The following RELN variants were observed in gnomAD, a reference collection of about 807,000 sequenced individuals.
The protein encoded by RELN is reelin.
A neutral mutation model predicts 427.6 loss-of-function variants in RELN; 108 were observed. The observed-to-expected ratio is 0.25, with a 90% CI of 0.22 to 0.30. The LOEUF (loss-of-function observed/expected upper bound fraction) is 0.30, where lower values mean the gene tolerates loss of function less well. RELN is among the 10% of genes least tolerant of loss of function. The probability of loss-of-function intolerance (pLI) is 1.00; values close to 1 mark genes in which losing one functional copy is unlikely to be tolerated. For synonymous variants in RELN, 1,524 were observed against 1,513.4 expected, an observed-to-expected ratio of 1.01 and a Z score of -0.16; for missense variants, 3,715 against 4,302.8, an observed-to-expected ratio of 0.86 and a Z score of 3.82.
intron 4 of RELN, 54 bp from the exon 5 acceptor site, chr7:103,753,268 C>A: frequency 6.3e-7 from 1 of 1,584,444 alleles, no homozygotes; most frequent in Non-Finnish European, 8.7e-7. Context: ...AAAGCAAAAT[C>A]CAGTAATAAA....
In RELN at chr7:103,636,270, C is replaced by T; in HGVS notation, c.2268G>A (p.Gln756=). Residue 756 remains glutamine, a synonymous_variant, in exon 18 of 65, where the codon CAG becomes CAA. Coordinates refer to ENST00000428762, the MANE Select transcript of RELN (RefSeq NM_005045.4). Reference sequence around the variant, plus strand: ...AGCTGTCAAGGAAAGATGTAATTAGCTGACGCCGCCCATCTTTGTTGAAAA... The same window carrying T: ...AGCTGTCAAGGAAAGATGTAATTAGTTGACGCCGCCCATCTTTGTTGAAAA... ...ALVFNKDGRR[Q]LITSFLDSSQ... is the part of the protein sequence containing the mutation. The T allele has an allele frequency of 6.2e-7, 1 of 1,613,874 alleles. No individual in the cohort carries two copies. The highest frequency in any genetic ancestry group is 8.5e-7 in the Non-Finnish European group (1 of 1,179,888).
chr7:103,486,328 C>A lies in RELN; in HGVS notation c.9852G>T (p.Glu3284Asp). ...TTCCTATGACTCCACCTTGAATGGT[C>A]TCCCAGTTTGCCTCGGTGACTCTTG... The part of the protein sequence containing the change: ...ESARVTEANW[E>D]TIQGGVIGSG... Residue 3284 changes from glutamate to aspartate, a missense_variant, in exon 61 of 65, where the codon GAG becomes GAT. Glu to Asp is a conservative substitution (Grantham distance 45). Coordinates refer to ENST00000428762, the MANE Select transcript of RELN (RefSeq NM_005045.4). The A allele has an allele frequency of 6.2e-7, 1 of 1,614,184 alleles. No individual in the cohort carries two copies. Among genetic ancestry groups the A allele is most frequent in the Non-Finnish European group, 8.5e-7 (1 of 1,180,036 alleles).
chr7:103,899,260 A>C (rs758898315), intron 2 of RELN, among the ~76,000 whole-genome samples: 30 of 152,144 alleles, frequency 2.0e-4, no homozygotes, highest in Non-Finnish European at 3.4e-4. Flanking sequence ...AGAATCCCTG[A>C]ATAAACCACA....
Position 103,496,859 on chromosome 7 carries a change from C to T in RELN, c.8951-91G>A, listed in dbSNP as rs988310653. 6.7e-5 allele frequency: 98 copies of T among 1,472,056 alleles called. No individual in the cohort carries two copies. In the South Asian group the frequency reaches 1.0e-3, roughly 16 times the overall value. 91.2% of individuals were successfully genotyped at this position (1,472,056 alleles called of 1,614,324 possible). On this transcript the variant is annotated intron_variant, in intron 55 of 64. Coordinates refer to ENST00000428762, the MANE Select transcript of RELN (RefSeq NM_005045.4). The stretch of plus-strand genomic sequence containing the variant: ...GTATACTTCAGATACTGTGAACTTC[C>T]CAAAGAAATTTTCAGCCAGGAAATG...
chr7:103,767,386 T>C (rs553478727), intron 4 of RELN, among the ~76,000 whole-genome samples: 1 of 152,318 alleles, frequency 6.6e-6, no homozygotes, highest in Non-Finnish European at 1.5e-5. Context: ...GAGCTTTGAA[T>C]TCTAGGCCTG....
At chr7:103,602,014 C>A (rs1303298518) in intron 24 of RELN, among the ~76,000 whole-genome samples, 1 of 152,184 alleles carries the variant, frequency 6.6e-6, no homozygotes, top group Non-Finnish European at 1.5e-5. Flanking sequence ...TGTCTGCCCA[C>A]CCCAGACAGC....
intron 3 of RELN, among the ~76,000 whole-genome samples, chr7:103,822,029 A>G (rs1421740865): frequency 1.3e-5 from 2 of 152,114 alleles, no homozygotes; most frequent in Non-Finnish European, 2.9e-5. Context: ...TAGAGATGGA[A>G]ATAATAATTT....
Position 103,515,268 on chromosome 7 carries a change from A to G in RELN, c.8036T>C (p.Val2679Ala), listed in dbSNP as rs371701444. Residue 2679 changes from valine to alanine, a missense_variant, in exon 50 of 65, where the codon GTA becomes GCA. Val to Ala is a moderately conservative substitution (Grantham distance 64, BLOSUM62 0). Coordinates refer to ENST00000428762, the MANE Select transcript of RELN (RefSeq NM_005045.4). ...TGCAGGGGAGCGCTCATGCTGGGGT[A>G]CTGGGGCGCTGCTGAAGGTGTCCAG... ...VMLDTFSSAP[V>A]PQHERSPADA... The G allele has an allele frequency of 1.2e-6, 2 of 1,614,058 alleles. No individual in the cohort carries two copies. Among genetic ancestry groups the G allele is most frequent in the Non-Finnish European group, 1.7e-6 (2 of 1,180,028 alleles).
At chr7:103,493,844 G>A (rs1828744459) in intron 57 of RELN, among the ~76,000 whole-genome samples, 1 of 152,108 alleles carries the variant, frequency 6.6e-6, no homozygotes, top group East Asian at 1.9e-4. Context: ...TATTGGGTAC[G>A]GTAAGTCTCT....
At chr7:103,483,401 C>T (rs946870290) in intron 62 of RELN, among the ~76,000 whole-genome samples, 2 of 152,192 alleles carry the variant, frequency 1.3e-5, no homozygotes, top group Non-Finnish European at 2.9e-5. Context: ...TCGGCAAAAA[C>T]TGCCCTTGCG....
chr7:103,699,058 C>T (rs1834037124), intron 9 of RELN, among the ~76,000 whole-genome samples: 1 of 152,134 alleles, frequency 6.6e-6, no homozygotes, highest in African/African-American at 2.4e-5. Flanking sequence ...ATTACCTCTA[C>T]TAGAATCCAG....
chr7:103,763,953 A>G (rs1562998671), intron 4 of RELN, among the ~76,000 whole-genome samples: 1 of 152,180 alleles, frequency 6.6e-6, no homozygotes, highest in Non-Finnish European at 1.5e-5. Flanking sequence ...CATTGTGTAA[A>G]TTGGCCTTAG....
intron 1 of RELN, among the ~76,000 whole-genome samples, chr7:103,937,201 A>C (rs1796007557): frequency 6.6e-6 from 1 of 152,232 alleles, no homozygotes; most frequent in South Asian, 2.1e-4. Context: ...TTAATTAATC[A>C]ATTCATTAGA....
intron 40 of RELN, among the ~76,000 whole-genome samples, chr7:103,551,944 T>TGC (rs1296047761): frequency 0.022 from 3,212 of 147,774 alleles, 34 homozygotes; most frequent in South Asian, 0.034. Context: ...TGTGGGTGTG[T>TGC]GTGTGTGTGT....
At chr7:103,829,331 C>T (rs1584275047) in intron 3 of RELN, among the ~76,000 whole-genome samples, 1 of 151,612 alleles carries the variant, frequency 6.6e-6, no homozygotes, top group East Asian at 1.9e-4. Context: ...TCTCCTCCTC[C>T]TTCTCCTTCT....
At chr7:103,750,963 G>A (rs190270938) in intron 5 of RELN, among the ~76,000 whole-genome samples, 66 of 152,276 alleles carry the variant, frequency 4.3e-4, no homozygotes, top group Admixed American at 9.2e-4. Context: ...TCATATTTCT[G>A]CTGAATAGAT....
intron 1 of RELN, among the ~76,000 whole-genome samples, chr7:103,983,939 AATTT>A (rs1196651639): frequency 3.3e-5 from 5 of 151,590 alleles, no homozygotes; most frequent in South Asian, 2.1e-4. Context: ...CTGGTCACTC[AATTT>A]ATTTATGCTT....
In RELN at chr7:103,542,867, A is replaced by G; in HGVS notation, c.6535T>C (p.Ser2179Pro). 2 of 1,614,142 alleles carry G rather than the reference A, an allele frequency of 1.2e-6. No individual in the cohort carries two copies. Among genetic ancestry groups the G allele is most frequent in the Non-Finnish European group, 1.7e-6 (2 of 1,180,032 alleles). Residue 2179 changes from serine to proline, a missense_variant, in exon 43 of 65, where the codon TCT becomes CCT. Transcript: ENST00000428762. ...LKDDFEGQLE[S>P]DRFLLMSGGK... is the part of the protein sequence containing the mutation. ...CCACTCATTAATAAGAATCTATCAG[A>G]TTCTAGCTGACCTGAAAAAATTGGA... is the stretch of plus-strand genomic sequence containing the variant.
At chr7:103,740,496 T>A (rs1405789794) in intron 6 of RELN, among the ~76,000 whole-genome samples, 1 of 152,246 alleles carries the variant, frequency 6.6e-6, no homozygotes, top group African/African-American at 2.4e-5. Context: ...GAACAGATAG[T>A]ACATTCAATA....
Sources: allele counts gnomAD v4.1 joint callset (sites outside exome capture counted in the v4.1 genomes callset), GRCh38; gene constraint gnomAD v4.1.1; transcripts MANE v1.5; gene names NCBI Gene and HGNC (gene_info 2026-07-23, HGNC 2026-07-21).